MEIS2: variants seen among roughly 807,000 people sequenced by gnomAD.
MEIS2 encodes Meis homeobox 2, also known as homeobox protein Meis2.
Under a neutral mutation model 58.6 loss-of-function variants are expected in MEIS2, and 9 were observed. That is an observed-to-expected ratio of 0.15 (90% CI 0.09 to 0.27). The LOEUF (loss-of-function observed/expected upper bound fraction) is 0.27, where lower values mean the gene tolerates loss of function less well. Ranked by LOEUF, MEIS2 falls within the 10% of genes least tolerant of loss-of-function variation. The probability of loss-of-function intolerance (pLI) is 1.00; values close to 1 mark genes in which losing one functional copy is unlikely to be tolerated. For synonymous variants in MEIS2, 221 were observed against 228.4 expected, an observed-to-expected ratio of 0.97 and a Z score of 0.29; for missense variants, 427 against 635.0, an observed-to-expected ratio of 0.67 and a Z score of 3.52.
intron 8 of MEIS2, among the ~76,000 whole-genome samples, chr15:36,997,682 C>T (rs1036310369): frequency 4.6e-5 from 7 of 151,960 alleles, no homozygotes; most frequent in African/African-American, 7.3e-5. Context: ...GGGGTTTCGC[C>T]GTGTTAGCCA....
At chr15:37,000,836 C>T (rs1326283064) in intron 8 of MEIS2, among the ~76,000 whole-genome samples, 3 of 152,096 alleles carry the variant, frequency 2.0e-5, no homozygotes, top group Non-Finnish European at 4.4e-5. Context: ...TTCTCAGCTC[C>T]GCTCCCTGCC....
chr15:36,937,647 T>C (rs1595763124), intron 9 of MEIS2, among the ~76,000 whole-genome samples: 1 of 152,210 alleles, frequency 6.6e-6, no homozygotes, highest in Admixed American at 6.5e-5. Context: ...AGAGTGGAAC[T>C]CACCCACAGC....
chr15:36,969,896 C>CTT (rs5811952), intron 8 of MEIS2, among the ~76,000 whole-genome samples: 2 of 151,218 alleles, frequency 1.3e-5, no homozygotes, highest in Admixed American at 6.6e-5. Context: ...GTCTTTTTGG[C>CTT]TTTTTTTTTC....
At chr15:37,058,453 C>A (rs1286671148) in intron 7 of MEIS2, among the ~76,000 whole-genome samples, 1 of 152,186 alleles carries the variant, frequency 6.6e-6, no homozygotes, top group Admixed American at 6.5e-5. Context: ...CTGTTTTCAA[C>A]GTTCTCTCCT....
chr15:36,937,085 G>A (rs1019600659), intron 9 of MEIS2, among the ~76,000 whole-genome samples: 1 of 152,200 alleles, frequency 6.6e-6, no homozygotes, highest in Non-Finnish European at 1.5e-5. Context: ...AGTGGGTGAA[G>A]GAAAGACTGA....
intron 8 of MEIS2, among the ~76,000 whole-genome samples, chr15:36,973,606 G>A (rs1046470870): frequency 9.9e-5 from 15 of 152,086 alleles, no homozygotes; most frequent in South Asian, 4.1e-4. Flanking sequence ...TAAATTATCC[G>A]AATTGCCATG....
At chr15:36,950,733 C>A (rs2058725637) in intron 8 of MEIS2, among the ~76,000 whole-genome samples, 1 of 152,138 alleles carries the variant, frequency 6.6e-6, no homozygotes, top group Admixed American at 6.6e-5. Context: ...ACTAAAGGAA[C>A]TGGTTTCAGG....
At chr15:36,936,801 C>G (rs1213623872) in intron 9 of MEIS2, among the ~76,000 whole-genome samples, 3 of 152,130 alleles carry the variant, frequency 2.0e-5, no homozygotes, top group African/African-American at 7.2e-5. Context: ...CAAATATAGT[C>G]AGGACTGGAT....
chr15:37,087,429 C>T (rs556947514), intron 6 of MEIS2, among the ~76,000 whole-genome samples: 4 of 152,138 alleles, frequency 2.6e-5, no homozygotes, highest in Non-Finnish European at 4.4e-5. Context: ...GGGCTACAGA[C>T]TCACAGCTGA....
intron 8 of MEIS2, among the ~76,000 whole-genome samples, chr15:36,984,951 T>C (rs2060046690): frequency 6.6e-6 from 1 of 152,178 alleles, no homozygotes; most frequent in Non-Finnish European, 1.5e-5. Context: ...CTTTCACTTA[T>C]AATTTTATTT....
At chr15:36,988,462 G>GAC (rs3046876) in intron 8 of MEIS2, among the ~76,000 whole-genome samples, 59,719 of 151,856 alleles carry the variant, frequency 0.39, 12,384 homozygotes, top group Middle Eastern at 0.57. Context: ...AAACCCTTCA[G>GAC]ACAGCAAAAA....
intron 9 of MEIS2, among the ~76,000 whole-genome samples, chr15:36,912,557 T>C (rs912398114): frequency 2.0e-5 from 3 of 152,176 alleles, no homozygotes; most frequent in Admixed American, 6.5e-5. Flanking sequence ...AGGGACCTTT[T>C]CCTTTCTTTT....
chr15:36,916,592 T>A (rs1164502977), intron 9 of MEIS2, among the ~76,000 whole-genome samples: 1 of 151,946 alleles, frequency 6.6e-6, no homozygotes, highest in Non-Finnish European at 1.5e-5. Flanking sequence ...CCACCACACC[T>A]GGCTACTTTT....
At chr15:36,904,633 T>TAA in intron 9 of MEIS2, among the ~76,000 whole-genome samples, 1 of 52,656 alleles carries the variant, frequency 1.9e-5, no homozygotes, top group Admixed American at 1.9e-4. Context: ...GGATTACATT[T>TAA]TCTTCTTTTT....
chr15:37,074,233 T>A (rs1191190705), intron 7 of MEIS2, among the ~76,000 whole-genome samples: 1 of 151,988 alleles, frequency 6.6e-6, no homozygotes, highest in Admixed American at 6.6e-5. Context: ...TACTACCACC[T>A]TAGATGTCCT....
Position 37,046,615 on chromosome 15 carries a change from C to T in MEIS2, c.755-9656G>A, listed in dbSNP as rs759510144. On this transcript the variant is annotated intron_variant, in intron 7 of 11. Coordinates refer to ENST00000561208, the MANE Select transcript of MEIS2 (RefSeq NM_170675.5). ...GTGAGTGTCGTAGTATAGTTTTGCA[C>T]GCCTGTATTTTCCATATCATGTTGA... Among the ~76,000 whole-genome samples, 37 of 152,076 alleles carry T rather than the reference C, an allele frequency of 2.4e-4. 1 individual carries two copies. Among genetic ancestry groups the T allele is most frequent in the Non-Finnish European group, 4.7e-4 (32 of 68,010 alleles).
intron 7 of MEIS2, among the ~76,000 whole-genome samples, chr15:37,077,976 A>T (rs117924944): frequency 6.6e-6 from 1 of 152,110 alleles, no homozygotes; most frequent in African/African-American, 2.4e-5. Flanking sequence ...GCAGAAAGGG[A>T]TACATTTAAA....
At chr15:36,954,943 C>T (rs2058903005) in intron 8 of MEIS2, among the ~76,000 whole-genome samples, 1 of 152,170 alleles carries the variant, frequency 6.6e-6, no homozygotes, top group South Asian at 2.1e-4. Context: ...GCCACTCATT[C>T]ATGAAACCCT....
At chr15:37,095,923 G>C (rs1349025706) in intron 3 of MEIS2, 1 of 457,734 alleles carries the variant, frequency 2.2e-6, no homozygotes. Context: ...GCCTGGGACC[G>C]CTCGGAGAGG....
Sources: gnomAD v4.1 joint callset for allele counts (sites outside exome capture counted in the v4.1 genomes callset) on GRCh38, gnomAD v4.1.1 for gene constraint, MANE v1.5 for transcripts, NCBI Gene and HGNC (gene_info 2026-07-23, HGNC 2026-07-21) for gene names.